The following CLEC17A variants were observed in gnomAD, a reference collection of about 807,000 sequenced individuals.
CLEC17A encodes the protein C-type lectin domain containing 17A.
CLEC17A carries 37 observed loss-of-function variants against 61.3 expected under a neutral mutation model. That is an observed-to-expected ratio of 0.60 (90% CI 0.46 to 0.79). The LOEUF (loss-of-function observed/expected upper bound fraction) is 0.79, where lower values mean the gene tolerates loss of function less well. Ranked by LOEUF, CLEC17A falls within the 30% of genes least tolerant of loss-of-function variation. The probability of loss-of-function intolerance (pLI) is 0.00; values close to 1 mark genes in which losing one functional copy is unlikely to be tolerated. For missense variants in CLEC17A, 418 were observed against 464.7 expected, an observed-to-expected ratio of 0.90 and a Z score of 0.92; for synonymous variants, 168 against 164.9, an observed-to-expected ratio of 1.02 and a Z score of -0.14.
chr19:14,609,105 T>C (rs559392432), intron 13 of CLEC17A, among the ~76,000 whole-genome samples: 3 of 152,122 alleles, frequency 2.0e-5, no homozygotes, highest in East Asian at 1.9e-4. Flanking sequence ...TGGCGGAACA[T>C]TGGCTGCTAA....
intron 13 of CLEC17A, 130 bp from the exon 14 acceptor site, chr19:14,609,934 G>T: frequency 1.0e-5 from 7 of 669,844 alleles, no homozygotes; most frequent in South Asian, 9.3e-5. Flanking sequence ...CAGGTGTAAG[G>T]CTCCACACAC....
intron 3 of CLEC17A, among the ~76,000 whole-genome samples, chr19:14,590,644 C>T (rs2074387248): frequency 6.6e-6 from 1 of 152,086 alleles, no homozygotes; most frequent in East Asian, 1.9e-4. Flanking sequence ...GCCTCAGCCT[C>T]CCAAAGTGCT....
chr19:14,592,794 A>T (rs766638134), intron 4 of CLEC17A, among the ~76,000 whole-genome samples: 5 of 152,072 alleles, frequency 3.3e-5, no homozygotes, highest in Admixed American at 2.0e-4. Flanking sequence ...CCTCCCGATT[A>T]GCTGGGATTG....
chr19:14,610,214 G>T lies in CLEC17A; in HGVS notation c.*18G>T. ...CCTGTTGAAGCCCAGGGCCGAGGCTGGGGGTCCATATCTGAGTGTCTCTTT... is the reference window on the plus strand; with the variant it reads ...CCTGTTGAAGCCCAGGGCCGAGGCTTGGGGTCCATATCTGAGTGTCTCTTT... On this transcript the variant is annotated 3_prime_UTR_variant, in exon 14 of 14. Coordinates refer to ENST00000417570, the MANE Select transcript of CLEC17A (RefSeq NM_001204118.2). 6.4e-7 allele frequency: 1 copy of T among 1,550,512 alleles called. No homozygotes were observed.
At chr19:14,602,449 T>G (rs1485183634) in intron 12 of CLEC17A, among the ~76,000 whole-genome samples, 1 of 152,152 alleles carries the variant, frequency 6.6e-6, no homozygotes, top group Admixed American at 6.6e-5. Context: ...TGTGCCACCA[T>G]GCCTGGATAA....
At chr19:14,587,233 ATGTGTGTG>A (rs3049160) in intron 2 of CLEC17A, among the ~76,000 whole-genome samples, 3 of 145,308 alleles carry the variant, frequency 2.1e-5, no homozygotes, top group East Asian at 2.0e-4. Flanking sequence ...CCAGAGAAAG[ATGTGTGTG>A]TGTGTGTGTG....
At chr19:14,607,484 T>G (rs986867502) in intron 13 of CLEC17A, among the ~76,000 whole-genome samples, 22 of 151,848 alleles carry the variant, frequency 1.4e-4, no homozygotes, top group East Asian at 1.9e-4. Context: ...ATTACAGGCG[T>G]GAGCCACCGC....
At chr19:14,597,859 C>G (rs2074587287) in intron 10 of CLEC17A, among the ~76,000 whole-genome samples, 1 of 152,174 alleles carries the variant, frequency 6.6e-6, no homozygotes, top group Non-Finnish European at 1.5e-5. Flanking sequence ...CTGCCGCAGC[C>G]TCCTGAAGTG....
chr19:14,603,814 C>T (rs1323475250), intron 12 of CLEC17A, among the ~76,000 whole-genome samples: 1 of 152,142 alleles, frequency 6.6e-6, no homozygotes, highest in African/African-American at 2.4e-5. Flanking sequence ...TTCCTGAGCA[C>T]CTACTATGTG....
intron 13 of CLEC17A, among the ~76,000 whole-genome samples, chr19:14,607,494 C>T (rs866323298): frequency 1.7e-4 from 25 of 151,510 alleles, no homozygotes; most frequent in South Asian, 6.2e-4. Context: ...TGAGCCACCG[C>T]GCCCGGCCAG....
rs1196574795 is a variant in CLEC17A, at chr19:14,607,476, T to A, written c.1004+374T>A. Among the ~76,000 whole-genome samples the A allele has an allele frequency of 2.0e-5, 3 of 151,780 alleles. No homozygotes were observed. In the South Asian group the frequency reaches 6.2e-4, roughly 31 times the overall value. On this transcript the variant is annotated intron_variant, in intron 13 of 13. Coordinates refer to ENST00000417570, the MANE Select transcript of CLEC17A (RefSeq NM_001204118.2). ...CCTTGGCCTCCCAAAGTGCTGGGAT[T>A]ACAGGCGTGAGCCACCGCGCCCGGC...
At chr19:14,609,871 A>C (rs1024578147) in intron 13 of CLEC17A, among the ~76,000 whole-genome samples, 193 bp from the exon 14 acceptor site, 1 of 149,850 alleles carries the variant, frequency 6.7e-6, no homozygotes. Context: ...AAAACCCCCC[A>C]AAACCAGAAA....
intron 12 of CLEC17A, among the ~76,000 whole-genome samples, chr19:14,606,549 G>T (rs140119902): frequency 2.0e-5 from 3 of 151,756 alleles, no homozygotes; most frequent in Non-Finnish European, 4.4e-5. Flanking sequence ...GCGTGGTGGC[G>T]GGTAGCTATA....
Position 14,593,791 on chromosome 19 carries a change from T to C in CLEC17A, c.278-726T>C, listed in dbSNP as rs371181524. ...CTAGCTAACACGGTGAAACCCCGTC[T>C]CTATTAAAAAAATACAAAAAATTAG... is the stretch of plus-strand genomic sequence containing the variant. On this transcript the variant is annotated intron_variant, in intron 4 of 13. Transcript: ENST00000417570. Among the ~76,000 whole-genome samples, 37 of 151,706 alleles carry C rather than the reference T, an allele frequency of 2.4e-4. No individual in the cohort carries two copies. The East Asian group carries it at 7.2e-3, about 30-fold the overall frequency.
intron 8 of CLEC17A, among the ~76,000 whole-genome samples, chr19:14,595,932 T>TA (rs2074535524): frequency 6.9e-6 from 1 of 145,908 alleles, no homozygotes; most frequent in Non-Finnish European, 1.5e-5. Flanking sequence ...ATGGTGTTGG[T>TA]GATGATAGTA....
intron 10 of CLEC17A, among the ~76,000 whole-genome samples, chr19:14,597,387 A>G (rs1568455643): frequency 1.3e-5 from 2 of 152,222 alleles, no homozygotes; most frequent in Admixed American, 6.5e-5. Context: ...GCCACAAGCC[A>G]TATGTGGCTG....
At chr19:14,588,679 C>T (rs1052736716) in intron 3 of CLEC17A, 6 of 151,970 alleles carry the variant, frequency 3.9e-5, no homozygotes, top group African/African-American at 1.2e-4. Flanking sequence ...AAAATGAAAC[C>T]GGAGGTTTTT....
Position 14,592,358 on chromosome 19 carries a change from G to C in CLEC17A, c.277G>C (p.Gly93Arg), listed in dbSNP as rs2074440976. 6.2e-7 allele frequency: 1 copy of C among 1,609,612 alleles called. No individual in the cohort carries two copies. Among genetic ancestry groups the C allele is most frequent in the Non-Finnish European group, 8.5e-7 (1 of 1,177,876 alleles). Reference protein sequence around the residue: ...PPYKDLPPKPGSSAPPRPPRA... With the variant: ...PPYKDLPPKPRSSAPPRPPRA... ...CTACAAGGACCTTCCTCCCAAGCCAGGTAAGAGGACTTTTTGGAGTGTGAC... is the reference window on the plus strand; with the variant it reads ...CTACAAGGACCTTCCTCCCAAGCCACGTAAGAGGACTTTTTGGAGTGTGAC... Residue 93 changes from glycine (G) to arginine (R), a missense_variant and splice_region_variant, in exon 4 of 14, where the codon GGT becomes CGT. Transcript: ENST00000417570.
rs145013271 is a variant in CLEC17A, at chr19:14,586,406, G to A, written c.122-1208G>A. ...CCCAAAGTGCTGAGATTACAGGCAC[G>A]AGCCACCACGCCCAGCCTCTTTTCT... On this transcript the variant is annotated intron_variant, in intron 2 of 13. Coordinates refer to ENST00000417570, the MANE Select transcript of CLEC17A (RefSeq NM_001204118.2). 4.5e-3 allele frequency among the ~76,000 whole-genome samples: 684 copies of A among 152,054 alleles called. 29 individuals carry two copies. The East Asian group carries it at 0.083, about 19-fold the overall frequency.
Sources: gnomAD v4.1 joint callset for allele counts (sites outside exome capture counted in the v4.1 genomes callset) on GRCh38, gnomAD v4.1.1 for gene constraint, MANE v1.5 for transcripts, NCBI Gene and HGNC (gene_info 2026-07-23, HGNC 2026-07-21) for gene names.